The following PPFIA1 variants were observed in gnomAD, a reference collection of about 807,000 sequenced individuals.
The protein encoded by PPFIA1 is liprin-alpha-1.
Under a neutral mutation model 149.9 loss-of-function variants are expected in PPFIA1, and 25 were observed. That is an observed-to-expected ratio of 0.17 (90% CI 0.12 to 0.23). PPFIA1 has a LOEUF of 0.23. PPFIA1 is among the 10% of genes least tolerant of loss of function. PPFIA1 has a pLI of 1.00. For synonymous variants in PPFIA1, 549 were observed against 552.8 expected (o/e 0.99, Z 0.10); for missense variants, 1,362 against 1,506.5 (o/e 0.90, Z 1.59).
chr11:70,349,302 G>A (rs910659597), intron 16 of PPFIA1, among the ~76,000 whole-genome samples: 2 of 152,098 alleles, frequency 1.3e-5, no homozygotes, highest in Admixed American at 6.5e-5. Context: ...GGTGTTTGGT[G>A]TTTGCAAAGT....
intron 24 of PPFIA1, 130 bp from the exon 25 acceptor site, chr11:70,376,402 C>A: frequency 1.2e-6 from 1 of 856,534 alleles, no homozygotes; most frequent in Non-Finnish European, 1.9e-6. Flanking sequence ...GTTGGAATTA[C>A]AGGCGTGAGC....
chr11:70,301,370 A>G (rs1591122037), intron 2 of PPFIA1, among the ~76,000 whole-genome samples: 2 of 152,196 alleles, frequency 1.3e-5, no homozygotes, highest in Non-Finnish European at 2.9e-5. Context: ...TCACCATGGT[A>G]TCTTCCCCTG....
At chr11:70,308,435 C>T (rs1235991294) in intron 2 of PPFIA1, among the ~76,000 whole-genome samples, 2 of 152,168 alleles carry the variant, frequency 1.3e-5, no homozygotes, top group African/African-American at 4.8e-5. Context: ...TTTTTTGGCA[C>T]ATGCATAGGT....
intron 19 of PPFIA1, among the ~76,000 whole-genome samples, chr11:70,360,139 C>G (rs2056563832): frequency 6.6e-6 from 1 of 152,254 alleles, no homozygotes; most frequent in Non-Finnish European, 1.5e-5. Flanking sequence ...TCCTGTGACT[C>G]TTAGACACAT....
At chr11:70,304,883 AC>A (rs1250667207) in intron 2 of PPFIA1, among the ~76,000 whole-genome samples, 4 of 152,040 alleles carry the variant, frequency 2.6e-5, no homozygotes, top group African/African-American at 9.7e-5. Flanking sequence ...GGAGGTCAGC[AC>A]CCCCTCATTT....
At chr11:70,330,496 G>T (rs1471371767) in intron 8 of PPFIA1, among the ~76,000 whole-genome samples, 177 bp downstream of exon 8, 5 of 152,312 alleles carry the variant, frequency 3.3e-5, no homozygotes, top group Non-Finnish European at 5.9e-5. Flanking sequence ...GATTACGTAG[G>T]ATTTGATTTA....
intron 2 of PPFIA1, among the ~76,000 whole-genome samples, chr11:70,283,465 C>G (rs1490767782): frequency 6.6e-6 from 1 of 152,134 alleles, no homozygotes; most frequent in African/African-American, 2.4e-5. Context: ...ATGAGGTCTT[C>G]AAATCAAATC....
intron 14 of PPFIA1, 46 bp from the exon 15 acceptor site, chr11:70,343,623 T>A: frequency 6.6e-7 from 1 of 1,508,498 alleles, no homozygotes; most frequent in East Asian, 2.3e-5. Flanking sequence ...TTTCTACAAC[T>A]AATGTTGTTA....
intron 2 of PPFIA1, among the ~76,000 whole-genome samples, chr11:70,290,999 C>T (rs1427512710): frequency 6.6e-6 from 1 of 152,186 alleles, no homozygotes; most frequent in East Asian, 1.9e-4. Flanking sequence ...GGCTCTCCTG[C>T]TTCAGCCTCC....
At chr11:70,349,799 G>A (rs1024270526) in intron 16 of PPFIA1, 5 of 390,796 alleles carry the variant, frequency 1.3e-5, no homozygotes, top group South Asian at 5.7e-5. Context: ...CAGAGAATTC[G>A]TAAAAACAGT....
At chr11:70,302,619 A>G (rs1425029423) in intron 2 of PPFIA1, among the ~76,000 whole-genome samples, 3 of 152,202 alleles carry the variant, frequency 2.0e-5, no homozygotes, top group Admixed American at 1.3e-4. Context: ...ACTGCATGAG[A>G]CAGAATCAAA....
chr11:70,369,701 A>G (rs1431918130), intron 21 of PPFIA1, among the ~76,000 whole-genome samples: 1 of 152,206 alleles, frequency 6.6e-6, no homozygotes, highest in Non-Finnish European at 1.5e-5. Flanking sequence ...TTTATCTTTT[A>G]AGAAATTTGT....
intron 24 of PPFIA1, 87 bp downstream of exon 24, chr11:70,375,180 TTAA>T: frequency 1.5e-5 from 4 of 270,502 alleles, no homozygotes; most frequent in African/African-American, 8.9e-5. Context: ...GAAAGAAACT[TTAA>T]AAAAAAAAAA....
At chr11:70,362,568 T>C (rs2056716369) in intron 21 of PPFIA1, 80 bp downstream of exon 21, 2 of 1,396,928 alleles carry the variant, frequency 1.4e-6, no homozygotes, top group African/African-American at 1.4e-5. Context: ...TTTACATTGC[T>C]TCTCCAGTTC....
At position 70,362,091 on chromosome 11, in the gene PPFIA1, A is replaced by G. The variant is rs1230539637; in HGVS notation, c.2583-4A>G. ...TTTAATTTTCAATATCTTCTCCTTT[A>G]TAGGCATGAATTGCTGGAGGAAGCC... On this transcript the variant is annotated splice_polypyrimidine_tract_variant and splice_region_variant and intron_variant, in intron 19 of 27. Transcript: ENST00000253925. 4 of 1,613,372 alleles carry G rather than the reference A, an allele frequency of 2.5e-6. No individual in the cohort carries two copies. Among genetic ancestry groups the G allele is most frequent in the Non-Finnish European group, 3.4e-6 (4 of 1,179,446 alleles).
chr11:70,356,451 C>G (rs1368248576), intron 19 of PPFIA1, among the ~76,000 whole-genome samples, 197 bp downstream of exon 19: 1 of 152,150 alleles, frequency 6.6e-6, no homozygotes, highest in African/African-American at 2.4e-5. Context: ...ACACTGGTAT[C>G]CCTATCATCT....
At chr11:70,344,755 C>T (rs1418634361) in intron 15 of PPFIA1, among the ~76,000 whole-genome samples, 3 of 152,234 alleles carry the variant, frequency 2.0e-5, no homozygotes, top group African/African-American at 7.2e-5. Context: ...TGTAATAAAA[C>T]AGGAAGAATG....
At position 70,273,321 on chromosome 11, in the gene PPFIA1, G is replaced by C. The variant is rs189002460; in HGVS notation, c.264+885G>C. Among the ~76,000 whole-genome samples, 147 of 152,190 alleles carry C rather than the reference G, an allele frequency of 9.7e-4. 1 individual carries two copies. The highest frequency in any genetic ancestry group is 3.5e-3 in the African/African-American group (145 of 41,514). ...TTGTTTCTCTGAGTATGTTACATTT[G>C]GACCAGTGTTTGAAAGACTTTGCTC... On this transcript the variant is annotated intron_variant, in intron 2 of 27. Transcript: ENST00000253925.
At chr11:70,295,751 C>G (rs1356728742) in intron 2 of PPFIA1, among the ~76,000 whole-genome samples, 1 of 149,940 alleles carries the variant, frequency 6.7e-6, no homozygotes, top group Non-Finnish European at 1.5e-5. Context: ...CCCCCCACCT[C>G]CCTCCCAGAC....
Sources: gnomAD v4.1 joint callset for allele counts (sites outside exome capture counted in the v4.1 genomes callset) on GRCh38, gnomAD v4.1.1 for gene constraint, MANE v1.5 for transcripts, NCBI Gene and HGNC (gene_info 2026-07-23, HGNC 2026-07-21) for gene names.